MAP4K5: variants seen among roughly 807,000 people sequenced by gnomAD.
MAP4K5 encodes MAPK/ERK kinase kinase kinase 5.
MAP4K5 carries 82 observed loss-of-function variants against 135.6 expected under a neutral mutation model. The observed-to-expected ratio is 0.60, with a 90% CI of 0.51 to 0.73. MAP4K5 has a LOEUF of 0.73. Among genes scored for constraint, MAP4K5 ranks in the 30% least tolerant of loss-of-function variants. The pLI is 0.00. For synonymous variants in MAP4K5, 347 were observed against 335.0 expected (o/e 1.04, Z -0.39); for missense variants, 907 against 1,010.9 (o/e 0.90, Z 1.39).
chr14:50,471,320 T>TA (rs1439651713), intron 9 of MAP4K5, among the ~76,000 whole-genome samples: 5 of 152,146 alleles, frequency 3.3e-5, no homozygotes, highest in Admixed American at 2.0e-4. Flanking sequence ...AATATATATA[T>TA]TTTTTAGGTT....
At chr14:50,510,298 C>A (rs1164402930) in intron 2 of MAP4K5, among the ~76,000 whole-genome samples, 1 of 152,200 alleles carries the variant, frequency 6.6e-6, no homozygotes, top group Non-Finnish European at 1.5e-5. Context: ...GGTCTCTGAT[C>A]TGAAAACTGT....
chr14:50,485,960 T>C (rs118161635), intron 4 of MAP4K5, 144 bp downstream of exon 4: 14,715 of 563,976 alleles, frequency 0.026, 251 homozygotes, highest in Non-Finnish European at 0.035. Flanking sequence ...GGGAAAACCG[T>C]AGAAATAGGA....
chr14:50,448,751 A>AT, intron 15 of MAP4K5, 23 bp downstream of exon 15: 1 of 1,447,290 alleles, frequency 6.9e-7, no homozygotes, highest in East Asian at 2.4e-5. Flanking sequence ...TGTGAAAATA[A>AT]TGCTTTAAAA....
chr14:50,485,606 A>T lies in MAP4K5; in HGVS notation c.294T>A (p.Gly98=), dbSNP rs1170518613. ...GGTAAATATCTTGAAGTGATCCGCC[A>T]CCACAGTATTCCATACAAATCCATA... is the stretch of plus-strand genomic sequence containing the variant. ...EKLWICMEYC[G]GGSLQDIYHV... Residue 98 remains glycine (G), a synonymous_variant, in exon 5 of 33, where the codon GGT becomes GGA. Coordinates refer to ENST00000682126, the MANE Select transcript of MAP4K5 (RefSeq NM_006575.6). 1.4e-5 allele frequency: 21 copies of T among 1,553,140 alleles called. No individual in the cohort carries two copies. Among genetic ancestry groups the T allele is most frequent in the Non-Finnish European group, 1.8e-5 (21 of 1,146,116 alleles).
chr14:50,459,916 T>C (rs1389499842), intron 13 of MAP4K5, among the ~76,000 whole-genome samples: 1 of 151,998 alleles, frequency 6.6e-6, no homozygotes, highest in African/African-American at 2.4e-5. Context: ...CCCAGGGTGG[T>C]CTTGAACTCC....
intron 9 of MAP4K5, among the ~76,000 whole-genome samples, chr14:50,473,122 A>G (rs2037004999): frequency 6.6e-6 from 1 of 152,086 alleles, no homozygotes; most frequent in Non-Finnish European, 1.5e-5. Flanking sequence ...AGGTTGTTGG[A>G]TTTATGAATG....
intron 28 of MAP4K5, among the ~76,000 whole-genome samples, chr14:50,430,074 T>C (rs550740378): frequency 1.2e-4 from 19 of 152,166 alleles, no homozygotes; most frequent in African/African-American, 3.9e-4. Flanking sequence ...TTAAGGAATA[T>C]AGTGATAATA....
chr14:50,420,639 A>G (rs2035706954), intron 32 of MAP4K5, among the ~76,000 whole-genome samples: 1 of 152,036 alleles, frequency 6.6e-6, no homozygotes, highest in Admixed American at 6.6e-5. Context: ...CTCAAATAAA[A>G]AACAACAAAC....
chr14:50,432,334 A>G (rs2035988737), intron 28 of MAP4K5, among the ~76,000 whole-genome samples: 1 of 152,222 alleles, frequency 6.6e-6, no homozygotes, highest in Non-Finnish European at 1.5e-5. Flanking sequence ...GTGCTGGACT[A>G]GAAAGATTGC....
At chr14:50,481,853 T>C (rs988224109) in intron 6 of MAP4K5, among the ~76,000 whole-genome samples, 1 of 152,216 alleles carries the variant, frequency 6.6e-6, no homozygotes, top group Non-Finnish European at 1.5e-5. Flanking sequence ...TAATACCACA[T>C]AGAACTAGGG....
chr14:50,528,228 C>G (rs2038309157), intron 2 of MAP4K5, among the ~76,000 whole-genome samples: 1 of 152,102 alleles, frequency 6.6e-6, no homozygotes, highest in African/African-American at 2.4e-5. Flanking sequence ...TGTTCCTCCT[C>G]TTCTTTCAAC....
At chr14:50,526,753 T>G (rs1282678011) in intron 2 of MAP4K5, among the ~76,000 whole-genome samples, 1 of 152,208 alleles carries the variant, frequency 6.6e-6, no homozygotes, top group Admixed American at 6.5e-5. Flanking sequence ...GCTTTGTCTC[T>G]ATAAAATGGG....
intron 3 of MAP4K5, among the ~76,000 whole-genome samples, chr14:50,488,355 G>A (rs980749040): frequency 6.6e-6 from 1 of 152,144 alleles, no homozygotes; most frequent in Non-Finnish European, 1.5e-5. Flanking sequence ...AATTCAAGAT[G>A]AGATTTGGGT....
intron 5 of MAP4K5, among the ~76,000 whole-genome samples, chr14:50,483,604 G>A (rs1049056429): frequency 6.6e-5 from 10 of 150,624 alleles, no homozygotes; most frequent in East Asian, 1.9e-4. Flanking sequence ...ACTAACTACC[G>A]GGATGGGTAC....
At chr14:50,466,946 CAT>C (rs770434020) in intron 10 of MAP4K5, among the ~76,000 whole-genome samples, 11 of 152,070 alleles carry the variant, frequency 7.2e-5, no homozygotes, top group Non-Finnish European at 1.3e-4. Flanking sequence ...ATCTTAAGCA[CAT>C]GTCTATATAA....
chr14:50,558,156 T>C (rs781015744), intron 1 of MAP4K5, among the ~76,000 whole-genome samples: 74 of 152,136 alleles, frequency 4.9e-4, no homozygotes, highest in Non-Finnish European at 9.1e-4. Flanking sequence ...CTTGAGCTCA[T>C]GAGTTTGAGA....
Position 50,445,128 on chromosome 14 carries a change from A to G in MAP4K5, c.1252T>C (p.Cys418Arg), listed in dbSNP as rs1232104271. 1 of 1,613,666 alleles carries G rather than the reference A, an allele frequency of 6.2e-7. No homozygotes were observed. Among genetic ancestry groups the G allele is most frequent in the Non-Finnish European group, 8.5e-7 (1 of 1,179,722 alleles). ...GGAGCTCTGCTTTCTGAATCAGGAC[A>G]ATGTTTTATGGTTGATGCTTTTTCT... ...DEEKASTIKH[C>R]PDSESRAPQI... Residue 418 changes from cysteine to arginine, a missense_variant, in exon 18 of 33, where the codon TGT (cysteine) becomes CGT (arginine). Physicochemically the swap from Cys to Arg is radical, Grantham distance 180. Around this residue, in one of 3 missense-constraint regions of MAP4K5, gnomAD observed 690 missense variants for 777.4 expected, o/e 0.89. Coordinates refer to ENST00000682126, the MANE Select transcript of MAP4K5 (RefSeq NM_006575.6).
Position 50,434,557 on chromosome 14 carries a change from A to C in MAP4K5, c.2001T>G (p.Pro667=). ...CAAAAACATTCAAAGGACTTGGCAA[A>C]GGAAAATCAAAGTGCTGCAAAAAAA... The part of the protein sequence containing the change: ...KFMLIKHFDF[P]LPSPLNVFEM... Residue 667 remains proline (P), a synonymous_variant, in exon 28 of 33, where the codon CCT becomes CCG. Coordinates refer to ENST00000682126, the MANE Select transcript of MAP4K5 (RefSeq NM_006575.6). 6.3e-7 allele frequency: 1 copy of C among 1,588,266 alleles called. No homozygotes were observed. The highest frequency in any genetic ancestry group is 8.6e-7 in the Non-Finnish European group (1 of 1,166,590).
At chr14:50,504,958 T>C (rs1211414543) in intron 2 of MAP4K5, 101 bp from the exon 3 acceptor site, 4 of 674,872 alleles carry the variant, frequency 5.9e-6, no homozygotes, top group Admixed American at 7.6e-5. Flanking sequence ...CATACTTTTA[T>C]CAAAACTAAA....
Sources: gnomAD v4.1 joint callset for allele counts (sites outside exome capture counted in the v4.1 genomes callset) on GRCh38, gnomAD v4.1.1 for gene constraint, gnomAD v4.1.1 regional missense constraint, MANE v1.5 for transcripts, NCBI Gene and HGNC (gene_info 2026-07-23, HGNC 2026-07-21) for gene names.